Variants in ATP2B2 observed in about 807,000 individuals in gnomAD.
ATP2B2 encodes the protein plasma membrane calcium-transporting ATPase 2.
A neutral mutation model predicts 120.0 loss-of-function variants in ATP2B2; 15 were observed. The observed-to-expected ratio is 0.12, with a 90% CI of 0.08 to 0.19. The LOEUF (loss-of-function observed/expected upper bound fraction) is 0.19, where lower values mean the gene tolerates loss of function less well. ATP2B2 is among the 10% of genes least tolerant of loss of function. ATP2B2 has a pLI of 1.00. For synonymous variants in ATP2B2, 694 were observed against 700.3 expected, an observed-to-expected ratio of 0.99 and a Z score of 0.14; for missense variants, 1,045 against 1,719.8, an observed-to-expected ratio of 0.61 and a Z score of 6.94.
chr3:10,648,154 GCC>G (rs201955597), intron 1 of ATP2B2, among the ~76,000 whole-genome samples: 1,749 of 152,256 alleles, frequency 0.011, 16 homozygotes, highest in Non-Finnish European at 0.016. Context: ...CCAGCTGGTT[GCC>G]CTTGAACTAG....
intron 3 of ATP2B2, among the ~76,000 whole-genome samples, chr3:10,512,683 C>T (rs995892002): frequency 2.0e-5 from 3 of 152,170 alleles, no homozygotes; most frequent in Non-Finnish European, 2.9e-5. Flanking sequence ...AGAGGGGCTG[C>T]GGGCTCACTC....
intron 1 of ATP2B2, among the ~76,000 whole-genome samples, chr3:10,644,499 G>A (rs2125656056): frequency 6.6e-6 from 1 of 152,214 alleles, no homozygotes; most frequent in South Asian, 2.1e-4. Context: ...GTCAAAAGGT[G>A]GAAGCAACCC....
intron 1 of ATP2B2, among the ~76,000 whole-genome samples, chr3:10,675,862 C>T (rs1330527760): frequency 6.6e-6 from 1 of 152,224 alleles, no homozygotes; most frequent in Non-Finnish European, 1.5e-5. Context: ...CTTTTCTTCA[C>T]AATCTCCTAT....
Position 10,427,149 on chromosome 3 carries a change from A to T in ATP2B2, c.200-16334T>A, listed in dbSNP as rs919096554. On this transcript the variant is annotated intron_variant, in intron 2 of 22. Coordinates refer to ENST00000360273, the MANE Select transcript of ATP2B2 (RefSeq NM_001001331.4). ...GAAATAGGGATAAGCAGTGTCTCTC[A>T]TCCCATCTTCTCTCTCTTTCAATCC... 3.3e-5 allele frequency among the ~76,000 whole-genome samples: 5 copies of T among 152,324 alleles called. No individual in the cohort carries two copies. In the South Asian group the frequency reaches 1.0e-3, roughly 32 times the overall value.
intron 1 of ATP2B2, among the ~76,000 whole-genome samples, chr3:10,689,889 C>A (rs1158431840): frequency 6.6e-6 from 1 of 152,212 alleles, no homozygotes; most frequent in African/African-American, 2.4e-5. Context: ...AAAGTAGGTC[C>A]TCAGTGAGGG....
At chr3:10,664,746 G>A (rs1397299158) in intron 1 of ATP2B2, among the ~76,000 whole-genome samples, 5 of 152,136 alleles carry the variant, frequency 3.3e-5, no homozygotes, top group Admixed American at 6.5e-5. Flanking sequence ...TTGATCTAGC[G>A]GGTGCCTTGA....
At chr3:10,470,994 G>A (rs958778862) in intron 1 of ATP2B2, among the ~76,000 whole-genome samples, 6 of 152,224 alleles carry the variant, frequency 3.9e-5, no homozygotes, top group African/African-American at 1.4e-4. Flanking sequence ...GTGGAGAACG[G>A]GGGGCCTGGG....
chr3:10,557,438 C>T (rs1018689202), intron 2 of ATP2B2, among the ~76,000 whole-genome samples: 5 of 152,208 alleles, frequency 3.3e-5, no homozygotes, highest in Non-Finnish European at 7.3e-5. Context: ...GCCCCTGCTG[C>T]AGCATGATGG....
chr3:10,617,738 C>T (rs1323350555), intron 2 of ATP2B2, among the ~76,000 whole-genome samples: 10 of 152,338 alleles, frequency 6.6e-5, no homozygotes, highest in South Asian at 2.1e-4. Context: ...AGCAGCAGGA[C>T]GGCTCCCAGA....
intron 2 of ATP2B2, among the ~76,000 whole-genome samples, chr3:10,413,376 G>A (rs981889402): frequency 5.3e-5 from 8 of 152,232 alleles, no homozygotes; most frequent in African/African-American, 9.6e-5. Flanking sequence ...CCCTCCCTAG[G>A]AGACCTCACG....
chr3:10,466,683 G>A (rs1283355748), intron 1 of ATP2B2, among the ~76,000 whole-genome samples: 1 of 152,176 alleles, frequency 6.6e-6, no homozygotes, highest in Admixed American at 6.5e-5. Context: ...GATGACTTTA[G>A]CTTGCAGGAA....
chr3:10,533,484 G>A (rs1161049130), intron 3 of ATP2B2, among the ~76,000 whole-genome samples: 1 of 152,264 alleles, frequency 6.6e-6, no homozygotes, highest in Admixed American at 6.5e-5. Context: ...TTTGAACCTG[G>A]GACTGAGTCC....
At chr3:10,526,710 G>A (rs141768309) in intron 3 of ATP2B2, among the ~76,000 whole-genome samples, 1 of 152,290 alleles carries the variant, frequency 6.6e-6, no homozygotes, top group East Asian at 1.9e-4. Flanking sequence ...AGGGGGTGTG[G>A]GGAGTGGAAA....
rs2062570402 is a variant in ATP2B2, at chr3:10,410,470, G to C, written c.397+148C>G. The C allele has an allele frequency of 3.0e-6, 3 of 1,013,418 alleles. No individual in the cohort carries two copies. In the Admixed American group the frequency reaches 7.6e-5, roughly 26 times the overall value. 62.8% of individuals were successfully genotyped at this position (1,013,418 alleles called of 1,614,324 possible). On this transcript the variant is annotated intron_variant, in intron 3 of 22. Transcript: ENST00000360273. ...GGCCTGGCTCGGCCACCCTTTGGCTGTGTTGGCTATGGGTGGGGCCCTGCC... is the reference window on the plus strand; with the variant it reads ...GGCCTGGCTCGGCCACCCTTTGGCTCTGTTGGCTATGGGTGGGGCCCTGCC...
chr3:10,567,406 T>C (rs1236144897), intron 2 of ATP2B2, among the ~76,000 whole-genome samples: 1 of 152,228 alleles, frequency 6.6e-6, no homozygotes, highest in Non-Finnish European at 1.5e-5. Flanking sequence ...AAATCTAACC[T>C]GCATTTGCTC....
In ATP2B2 at chr3:10,346,666, C is replaced by A. The variant is rs762156159; in HGVS notation, c.2405-529G>T. Among the ~76,000 whole-genome samples the A allele has an allele frequency of 6.6e-6, 1 of 152,160 alleles. No individual in the cohort carries two copies. The highest frequency in any genetic ancestry group is 2.4e-5 in the African/African-American group (1 of 41,428). On this transcript the variant is annotated intron_variant, in intron 16 of 22. Coordinates refer to ENST00000360273, the MANE Select transcript of ATP2B2 (RefSeq NM_001001331.4). The surrounding 1 kb of genome is among the most constrained non-coding windows in gnomAD (Gnocchi z 4.1). The stretch of plus-strand genomic sequence containing the variant: ...AGACATTCATCTTCAATAAAACATT[C>A]AACGAATAACAGAATGAACAAATGA...
chr3:10,374,048 G>T (rs1649231556), intron 11 of ATP2B2, among the ~76,000 whole-genome samples: 1 of 152,178 alleles, frequency 6.6e-6, no homozygotes, highest in South Asian at 2.1e-4. Flanking sequence ...TTTATCAAGT[G>T]ACTGTAAAAG....
chr3:10,366,718 C>G (rs1248584243), intron 12 of ATP2B2, among the ~76,000 whole-genome samples: 2 of 152,084 alleles, frequency 1.3e-5, no homozygotes, highest in Non-Finnish European at 2.9e-5. Flanking sequence ...CTCCAGAGGT[C>G]GAGGAAAGAG....
chr3:10,439,512 CCA>C (rs1410016399), intron 2 of ATP2B2, among the ~76,000 whole-genome samples: 2 of 152,198 alleles, frequency 1.3e-5, no homozygotes, highest in Non-Finnish European at 2.9e-5. Flanking sequence ...CTCATTTAAT[CCA>C]CAGTCAGTGT....
Sources: gnomAD v4.1 joint callset for allele counts (sites outside exome capture counted in the v4.1 genomes callset) on GRCh38, gnomAD v4.1.1 for gene constraint, Gnocchi (gnomAD v3.1) non-coding constraint, MANE v1.5 for transcripts, NCBI Gene and HGNC (gene_info 2026-07-23, HGNC 2026-07-21) for gene names.